The following PCYT1A variants were observed in gnomAD, a reference collection of about 807,000 sequenced individuals.
PCYT1A encodes the protein phosphate cytidylyltransferase 1A, choline.
In PCYT1A, 25 loss-of-function variants were observed where a neutral mutation model predicts 43.7. The observed-to-expected ratio is 0.57, with a 90% CI of 0.42 to 0.80. The LOEUF (loss-of-function observed/expected upper bound fraction) is 0.80. PCYT1A is among the 30% of genes least tolerant of loss of function. The pLI, the probability that PCYT1A is intolerant of heterozygous loss-of-function variation, is 0.00. For missense variants in PCYT1A, 421 were observed against 474.2 expected, an observed-to-expected ratio of 0.89 and a Z score of 1.04; for synonymous variants, 172 against 170.7, an observed-to-expected ratio of 1.01 and a Z score of -0.06.
At chr3:196,248,851 G>T (rs1159227452) in intron 3 of PCYT1A, among the ~76,000 whole-genome samples, 1 of 151,850 alleles carries the variant, frequency 6.6e-6, no homozygotes, top group Non-Finnish European at 1.5e-5. Flanking sequence ...GCAACTCCCG[G>T]ATTCAAGCGA....
At chr3:196,284,729 C>T (rs1725858158) in intron 1 of PCYT1A, among the ~76,000 whole-genome samples, 1 of 152,160 alleles carries the variant, frequency 6.6e-6, no homozygotes, top group African/African-American at 2.4e-5. Context: ...GGCCATCATG[C>T]TAGTTTTCAA....
Position 196,248,264 on chromosome 3 carries a change from C to A in PCYT1A, c.277G>T (p.Ala93Ser), listed in dbSNP as rs938675798. 1.2e-5 allele frequency: 20 copies of A among 1,613,632 alleles called. No individual in the cohort carries two copies. Among genetic ancestry groups the A allele is most frequent in the Non-Finnish European group, 1.7e-5 (20 of 1,179,546 alleles). Reference sequence around the variant, plus strand: ...TTCTTCGCTTGCATCAGAGCTCGGGCGTGACCAGAGTGAAATAAGTCAAAT... The same window carrying A: ...TTCTTCGCTTGCATCAGAGCTCGGGAGTGACCAGAGTGAAATAAGTCAAAT... ...GIFDLFHSGH[A>S]RALMQAKNLF... The change falls in exon 4 of 9, where the codon GCC (alanine) becomes TCC (serine). Residue 93 changes from alanine (A) to serine (S), a missense_variant. This residue lies in a region of PCYT1A where 139 missense variants were observed against 117.7 expected (regional missense o/e 1.18). Coordinates refer to ENST00000431016, the MANE Select transcript of PCYT1A (RefSeq NM_001312673.2).
chr3:196,284,608 C>T (rs1290148838), intron 1 of PCYT1A, among the ~76,000 whole-genome samples: 1 of 152,028 alleles, frequency 6.6e-6, no homozygotes, highest in Non-Finnish European at 1.5e-5. Context: ...GGTCATTCTT[C>T]TTAAGGGATC....
intron 2 of PCYT1A, among the ~76,000 whole-genome samples, chr3:196,269,443 G>C (rs1176600348): frequency 6.6e-6 from 1 of 152,138 alleles, no homozygotes; most frequent in African/African-American, 2.4e-5. Flanking sequence ...CTGGGATTTT[G>C]AAACACAGAT....
intron 1 of PCYT1A, among the ~76,000 whole-genome samples, chr3:196,280,268 G>A (rs1412220087): frequency 2.0e-5 from 3 of 152,168 alleles, no homozygotes; most frequent in Non-Finnish European, 4.4e-5. Flanking sequence ...AATGTTTCAA[G>A]ACGCCAGCAG....
At chr3:196,241,775 A>T in intron 7 of PCYT1A, 173 bp downstream of exon 7, 1 of 1,166,710 alleles carries the variant, frequency 8.6e-7, no homozygotes, top group Non-Finnish European at 1.2e-6. Context: ...CCGTAACGGC[A>T]GAAACTGTCT....
Position 196,238,905 on chromosome 3 carries a change from C to A in PCYT1A, c.898-11G>T. 7.2e-7 allele frequency: 1 copy of A among 1,392,880 alleles called. No homozygotes were observed. The highest frequency in any genetic ancestry group is 9.4e-7 in the Non-Finnish European group (1 of 1,068,734). 86.3% of individuals were successfully genotyped at this position (1,392,880 alleles called of 1,614,324 possible). On this transcript the variant is annotated splice_polypyrimidine_tract_variant and intron_variant, in intron 8 of 8. Transcript: ENST00000431016. ...TTTCAGCATATGTTTCTGCAGAAAC[C>A]GAAAGGAAGAGTCAGAAAAACACCG...
At chr3:196,259,616 G>A (rs143876550) in intron 2 of PCYT1A, among the ~76,000 whole-genome samples, 212 of 152,144 alleles carry the variant, frequency 1.4e-3, no homozygotes, top group African/African-American at 3.8e-3. Context: ...GGCCCAGGCT[G>A]GTGGATTGCT....
chr3:196,234,825 T>C lies in PCYT1A; in HGVS notation c.*3863A>G, dbSNP rs540829344. ...TGTTCTACTTATTTACTTGGAAAAA[T>C]AGAAGCTAGGGACCACTCTTTATCC... is the stretch of plus-strand genomic sequence containing the variant. On this transcript the variant is annotated 3_prime_UTR_variant, in exon 9 of 9. Transcript: ENST00000431016. 5.9e-5 allele frequency: 9 copies of C among 152,306 alleles called. No individual in the cohort carries two copies. Among genetic ancestry groups the C allele is most frequent in the Admixed American group, 2.0e-4 (3 of 15,300 alleles). 9.4% of individuals were successfully genotyped at this position (152,306 alleles called of 1,614,324 possible). A position where few individuals can be genotyped will look rare whatever the true frequency, so the allele number is the denominator to read the frequency against.
At chr3:196,245,143 C>CCTT (rs1560163750) in intron 5 of PCYT1A, among the ~76,000 whole-genome samples, 5 of 142,102 alleles carry the variant, frequency 3.5e-5, no homozygotes, top group Non-Finnish European at 3.1e-5. Context: ...CATTTCACTA[C>CCTT]TTTTTTTTTT....
rs556753084 is a variant in PCYT1A, at chr3:196,270,422, C to T, written c.110G>A (p.Cys37Tyr). 1.9e-5 allele frequency: 30 copies of T among 1,610,258 alleles called. No homozygotes were observed. In the East Asian group the frequency reaches 6.0e-4, roughly 32 times the overall value. The change falls in exon 2 of 9, where the codon TGT becomes TAT. Residue 37 changes from cysteine (C) to tyrosine (Y), a missense_variant. Transcript: ENST00000431016. ...EDGVPSKVQR[C>Y]AVGLRQPAPF... Reference sequence around the variant, plus strand: ...AGGTTAATCTCCACTTACCACTGCACAGCGCTGCACTTTGGAAGGAACCCC... The same window carrying T: ...AGGTTAATCTCCACTTACCACTGCATAGCGCTGCACTTTGGAAGGAACCCC...
At position 196,238,887 on chromosome 3, in the gene PCYT1A, A is replaced by C; in HGVS notation, c.905T>G (p.Met302Arg). The change falls in exon 9 of 9, where the codon ATG becomes AGG. Residue 302 changes from methionine (M) to arginine (R), a missense_variant. Physicochemically the swap from Met to Arg is moderately conservative, Grantham distance 91. Coordinates refer to ENST00000431016, the MANE Select transcript of PCYT1A (RefSeq NM_001312673.2). Reference sequence around the variant, plus strand: ...CATCCGGCCCTTCCCCTCTTTCAGCATATGTTTCTGCAGAAACCGAAAGGA... The same window carrying C: ...CATCCGGCCCTTCCCCTCTTTCAGCCTATGTTTCTGCAGAAACCGAAAGGA... ...MFGPEGALKH[M>R]LKEGKGRMLQ... is the part of the protein sequence containing the mutation. The C allele has an allele frequency of 7.0e-7, 1 of 1,434,966 alleles. No individual in the cohort carries two copies. The highest frequency in any genetic ancestry group is 9.2e-7 in the Non-Finnish European group (1 of 1,092,852). The allele number at this position is 1,434,966 out of a possible 1,614,324, so 88.9% of individuals were successfully genotyped here.
Position 196,277,829 on chromosome 3 carries a change from C to T in PCYT1A, c.-10-7288G>A, listed in dbSNP as rs1057346064. Among the ~76,000 whole-genome samples the T allele has an allele frequency of 3.9e-5, 6 of 152,132 alleles. No individual in the cohort carries two copies. Among genetic ancestry groups the T allele is most frequent in the South Asian group, 4.1e-4 (2 of 4,828 alleles). Reference sequence around the variant, plus strand: ...GAGGTTGCAGTGAGCCTAAATCGCACGCCACTGCGCTCCAGCCTGGGCGAC... The same window carrying T: ...GAGGTTGCAGTGAGCCTAAATCGCATGCCACTGCGCTCCAGCCTGGGCGAC... On this transcript the variant is annotated intron_variant, in intron 1 of 8. Coordinates refer to ENST00000431016, the MANE Select transcript of PCYT1A (RefSeq NM_001312673.2). The surrounding 1 kb of genome is among the most constrained non-coding windows in gnomAD (Gnocchi z 4.1).
At chr3:196,285,814 T>A (rs993163208) in intron 1 of PCYT1A, among the ~76,000 whole-genome samples, 2 of 152,174 alleles carry the variant, frequency 1.3e-5, no homozygotes, top group Non-Finnish European at 2.9e-5. Flanking sequence ...CCATTCTCAA[T>A]GTCTTTTTAC....
At chr3:196,286,216 C>A (rs775123653) in intron 1 of PCYT1A, among the ~76,000 whole-genome samples, 3 of 152,086 alleles carry the variant, frequency 2.0e-5, no homozygotes, top group Admixed American at 1.3e-4. Context: ...GCATGCGCCA[C>A]CACACCCGCC....
In PCYT1A at chr3:196,270,448, A is replaced by G. The variant is rs1553835540; in HGVS notation, c.84T>C (p.Asp28=). The G allele has an allele frequency of 1.9e-6, 3 of 1,613,764 alleles. No homozygotes were observed. Among genetic ancestry groups the G allele is most frequent in the South Asian group, 2.2e-5 (2 of 91,074 alleles). ...APGPNGATEE[D]GVPSKVQRCA... is the part of the protein sequence containing the mutation. ...AGCGCTGCACTTTGGAAGGAACCCC[A>G]TCTTCTTCTGTTGCCCCGTTGGGTC... The change falls in exon 2 of 9, where the codon GAT becomes GAC. Residue 28 remains aspartate (D), a synonymous_variant. Coordinates refer to ENST00000431016, the MANE Select transcript of PCYT1A (RefSeq NM_001312673.2).
rs948041869 is a variant in PCYT1A, at chr3:196,238,201, A to C, written c.*487T>G. The C allele has an allele frequency of 6.5e-6, 1 of 152,936 alleles. No individual in the cohort carries two copies. The highest frequency in any genetic ancestry group is 1.5e-5 in the Non-Finnish European group (1 of 68,238). The allele number at this position is 152,936 out of a possible 1,614,324, so 9.5% of individuals were successfully genotyped here. A position where few individuals can be genotyped will look rare whatever the true frequency, so the allele number is the denominator to read the frequency against. On this transcript the variant is annotated 3_prime_UTR_variant, in exon 9 of 9. Coordinates refer to ENST00000431016, the MANE Select transcript of PCYT1A (RefSeq NM_001312673.2). ...AAATTAAGATATTTCTCCACAAATT[A>C]CCCATCAGCGTGGCTCATTTCGTGA...
chr3:196,281,186 G>T (rs912530074), intron 1 of PCYT1A, among the ~76,000 whole-genome samples: 1 of 152,224 alleles, frequency 6.6e-6, no homozygotes, highest in African/African-American at 2.4e-5. Context: ...TACCGTGGTG[G>T]TGCTTAATGA....
chr3:196,255,556 C>T (rs891325695), intron 3 of PCYT1A, among the ~76,000 whole-genome samples: 2 of 152,100 alleles, frequency 1.3e-5, no homozygotes, highest in African/African-American at 2.4e-5. Flanking sequence ...AGGCCCGGCA[C>T]GGTGGCTCAC....
Sources: allele counts gnomAD v4.1 joint callset (sites outside exome capture counted in the v4.1 genomes callset), GRCh38; gene constraint gnomAD v4.1.1; regional missense constraint gnomAD v4.1.1; non-coding constraint Gnocchi (gnomAD v3.1); transcripts MANE v1.5; gene names NCBI Gene and HGNC (gene_info 2026-07-23, HGNC 2026-07-21).